Variants in CAMTA2 observed in about 807,000 individuals in gnomAD.
The protein encoded by CAMTA2 is calmodulin-binding transcription activator 2.
In CAMTA2, 56 loss-of-function variants were observed where a neutral mutation model predicts 135.7. That is an observed-to-expected ratio of 0.41 (90% CI 0.33 to 0.52). CAMTA2 has a LOEUF of 0.52. Among genes scored for constraint, CAMTA2 ranks in the 20% least tolerant of loss-of-function variants. The probability of loss-of-function intolerance (pLI) is 0.16; values close to 1 mark genes in which losing one functional copy is unlikely to be tolerated. For missense variants in CAMTA2, 1,358 were observed against 1,553.4 expected (o/e 0.87, Z 2.11); for synonymous variants, 591 against 604.6 (o/e 0.98, Z 0.33).
In CAMTA2 at chr17:4,969,188, A is replaced by G; in HGVS notation, c.3432T>C (p.Pro1144=). ...HYRSYRRRPG[P]PHRTSATLPA... ...GCAGGGTGGCCGAAGTCCGGTGGGGAGGGCCGGGCCTGCGGCGGTAGGAGC... is the reference window on the plus strand; with the variant it reads ...GCAGGGTGGCCGAAGTCCGGTGGGGGGGGCCGGGCCTGCGGCGGTAGGAGC... The change falls in exon 21 of 23, where the codon CCT becomes CCC. Residue 1144 remains proline (P), a synonymous_variant. Coordinates refer to ENST00000348066, the MANE Select transcript of CAMTA2 (RefSeq NM_015099.4). The surrounding 1 kb of genome is among the most constrained non-coding windows in gnomAD (Gnocchi z 5.6). The G allele has an allele frequency of 6.2e-7, 1 of 1,610,896 alleles. No individual in the cohort carries two copies. The highest frequency in any genetic ancestry group is 8.5e-7 in the Non-Finnish European group (1 of 1,179,520).
At chr17:4,978,018 TTTAA>T (rs1406566719) in intron 10 of CAMTA2, among the ~76,000 whole-genome samples, 2 of 152,232 alleles carry the variant, frequency 1.3e-5, no homozygotes. Context: ...ATTCTTTAAC[TTTAA>T]TTAATAGGCA....
At chr17:4,985,174 G>A (rs942998156) in intron 3 of CAMTA2, among the ~76,000 whole-genome samples, 1 of 152,126 alleles carries the variant, frequency 6.6e-6, no homozygotes, top group African/African-American at 2.4e-5. Flanking sequence ...CAACAAGAGC[G>A]AGACTCCGTC....
chr17:4,973,293 G>C (rs1555559406), intron 13 of CAMTA2, 40 bp from the exon 14 acceptor site: 2 of 1,512,312 alleles, frequency 1.3e-6, no homozygotes, highest in Non-Finnish European at 1.8e-6. Flanking sequence ...CCCAATGAGG[G>C]AAAAAGTGGG....
intron 1 of CAMTA2, chr17:4,987,116 G>T: frequency 7.3e-7 from 1 of 1,365,426 alleles, no homozygotes; most frequent in Non-Finnish European, 9.4e-7. Context: ...GTTGGGGTAA[G>T]GACTCCGCCC....
In CAMTA2 at chr17:4,977,041, G is replaced by T. The variant is rs746291087; in HGVS notation, c.1900+17C>A. The T allele has an allele frequency of 6.2e-7, 1 of 1,613,734 alleles. No homozygotes were observed. The highest frequency in any genetic ancestry group is 1.3e-5 in the African/African-American group (1 of 74,916). ...GCTGTGGGCTGGATACTTGGGTTCA[G>T]AGGGCTGGGTACTCACCGTCCAGTG... On this transcript the variant is annotated intron_variant, in intron 11 of 22. Coordinates refer to ENST00000348066, the MANE Select transcript of CAMTA2 (RefSeq NM_015099.4).
chr17:4,981,992 C>T (rs1972988368), intron 6 of CAMTA2, 97 bp downstream of exon 6: 4 of 1,283,732 alleles, frequency 3.1e-6, no homozygotes, highest in Admixed American at 1.8e-5. Context: ...CTCCTTTCCT[C>T]ACTCAGAACT....
At chr17:4,973,535 C>T in intron 13 of CAMTA2, 50 bp downstream of exon 13, 2 of 1,546,150 alleles carry the variant, frequency 1.3e-6, no homozygotes, top group Non-Finnish European at 1.7e-6. Flanking sequence ...AGTCCCCTGA[C>T]ACTTCTGTCC....
In CAMTA2 at chr17:4,968,699, C is replaced by T. The variant is rs1279224530; in HGVS notation, c.*57G>A. ...GGCTCCCCCTGCCCCAGAAAGCCCT[C>T]TCCCTGTTAAGACTGCACGAGGCGC... On this transcript the variant is annotated 3_prime_UTR_variant, in exon 23 of 23. Coordinates refer to ENST00000348066, the MANE Select transcript of CAMTA2 (RefSeq NM_015099.4). The T allele has an allele frequency of 6.2e-7, 1 of 1,606,000 alleles. No individual in the cohort carries two copies.
At position 4,987,644 on chromosome 17, in the gene CAMTA2, A is replaced by AC. The variant is rs536535114; in HGVS notation, c.-117dup. Reference sequence around the variant, plus strand: ...GCAGCGGCCATTCTACCCCACACCGACCCCCCCCAGCGCCGGCTGACAGCG... The same window carrying AC: ...GCAGCGGCCATTCTACCCCACACCGACCCCCCCCCAGCGCCGGCTGACAGCG... On this transcript the variant is annotated 5_prime_UTR_variant, in exon 1 of 23. Transcript: ENST00000348066. The AC allele has an allele frequency of 0.03, 44,753 of 1,496,958 alleles. 550 individuals are homozygous for AC. The highest frequency in any genetic ancestry group is 0.033 in the Non-Finnish European group (37,107 of 1,124,570). The allele number at this position is 1,496,958 out of a possible 1,614,324, so 92.7% of individuals were successfully genotyped here. A position where few individuals can be genotyped will look rare whatever the true frequency, so the allele number is the denominator to read the frequency against.
At position 4,986,061 on chromosome 17, in the gene CAMTA2, G is replaced by A. The variant is rs867027528; in HGVS notation, c.32-78C>T. ...GATAGTCCAAGGGGAAAGGGCTGAA[G>A]GCAATACAGAGCACTGGGGAAAACT... On this transcript the variant is annotated intron_variant, in intron 2 of 22. Transcript: ENST00000348066. 6.1e-5 allele frequency: 73 copies of A among 1,195,380 alleles called. No individual in the cohort carries two copies. In the Middle Eastern group the frequency reaches 6.3e-3, roughly 103 times the overall value. 74.0% of individuals were successfully genotyped at this position (1,195,380 alleles called of 1,614,324 possible).
chr17:4,974,552 G>C (rs767224874), intron 11 of CAMTA2, 52 bp from the exon 12 acceptor site: 10 of 1,090,052 alleles, frequency 9.2e-6, no homozygotes. Flanking sequence ...GTGATGCCCT[G>C]AACACCAAAA....
intron 1 of CAMTA2, 127 bp from the exon 2 acceptor site, chr17:4,986,413 G>C: frequency 1.7e-6 from 1 of 595,838 alleles, no homozygotes; most frequent in Non-Finnish European, 3.0e-6. Flanking sequence ...GGGAGGGAGG[G>C]GCTGACTGTG....
chr17:4,969,860 A>C lies in CAMTA2; in HGVS notation c.3189+42T>G, dbSNP rs1312063320. ...AGCCCTGGGAGCCCAGTCTCCCCTG[A>C]CTGGAGATTGTGTAATTCATCCTGA... On this transcript the variant is annotated intron_variant, in intron 18 of 22. Coordinates refer to ENST00000348066, the MANE Select transcript of CAMTA2 (RefSeq NM_015099.4). The surrounding 1 kb of genome is among the most constrained non-coding windows in gnomAD (Gnocchi z 5.6). 3 of 1,608,512 alleles carry C rather than the reference A, an allele frequency of 1.9e-6. No individual in the cohort carries two copies. Among genetic ancestry groups the C allele is most frequent in the Non-Finnish European group, 2.6e-6 (3 of 1,175,682 alleles).
chr17:4,978,679 CCTCA>C (rs1286822463), intron 9 of CAMTA2, 49 bp from the exon 10 acceptor site: 8 of 1,593,048 alleles, frequency 5.0e-6, no homozygotes, highest in Non-Finnish European at 6.0e-6. Flanking sequence ...GCGTTCATCC[CCTCA>C]CTCATTCATT....
Position 4,969,097 on chromosome 17 carries a change from G to C in CAMTA2, c.3470+53C>G. On this transcript the variant is annotated intron_variant, in intron 21 of 22. Coordinates refer to ENST00000348066, the MANE Select transcript of CAMTA2 (RefSeq NM_015099.4). This position sits in a 1 kb window ranked among gnomAD's most constrained non-coding sequence, Gnocchi z 5.6. ...ATGATGATCAAGAGGATGAGTAAGG[G>C]GGAATGGCGTGGATGCAGTGGGTGG... 6.3e-7 allele frequency: 1 copy of C among 1,583,830 alleles called. No homozygotes were observed. Among genetic ancestry groups the C allele is most frequent in the Admixed American group, 1.7e-5 (1 of 58,254 alleles).
rs771699466 is a variant in CAMTA2, at chr17:4,980,432, G to A, written c.890C>T (p.Ser297Phe). 2 of 1,613,606 alleles carry A rather than the reference G, an allele frequency of 1.2e-6. No homozygotes were observed. Among genetic ancestry groups the A allele is most frequent in the Admixed American group, 3.3e-5 (2 of 59,968 alleles). Residue 297 changes from serine to phenylalanine, a missense_variant, in exon 9 of 23, where the codon TCC (serine) becomes TTC (phenylalanine). Coordinates refer to ENST00000348066, the MANE Select transcript of CAMTA2 (RefSeq NM_015099.4). This position sits in a 1 kb window ranked among gnomAD's most constrained non-coding sequence, Gnocchi z 5.3. ...TAGGGGCTCTGCAAAACCTGATGAG[G>A]AGGAAGAAGAGGAAGAAGATGGGGA... is the stretch of plus-strand genomic sequence containing the variant. ...HTSPSSSSSS[S>F]SSGFAEPLEI...
chr17:4,986,053 G>A, intron 2 of CAMTA2, 70 bp from the exon 3 acceptor site: 1 of 1,248,536 alleles, frequency 8.0e-7, no homozygotes, highest in Non-Finnish European at 1.2e-6. Context: ...CAAGGGGAAA[G>A]GGCTGAAGGC....
chr17:4,985,143 G>A (rs934139478), intron 3 of CAMTA2, among the ~76,000 whole-genome samples: 10 of 152,092 alleles, frequency 6.6e-5, no homozygotes, highest in Non-Finnish European at 1.5e-4. Context: ...CCAAGATCGC[G>A]CCATTGTACT....
At chr17:4,970,156 C>G in intron 17 of CAMTA2, 71 bp from the exon 18 acceptor site, 1 of 1,485,204 alleles carries the variant, frequency 6.7e-7, no homozygotes, top group Non-Finnish European at 9.3e-7. Flanking sequence ...TGGATGGCTA[C>G]GAAGGAAAAC....
Sources: gnomAD v4.1 joint callset for allele counts (sites outside exome capture counted in the v4.1 genomes callset) on GRCh38, gnomAD v4.1.1 for gene constraint, Gnocchi (gnomAD v3.1) non-coding constraint, MANE v1.5 for transcripts, NCBI Gene and HGNC (gene_info 2026-07-23, HGNC 2026-07-21) for gene names.